Variants in NRDE2 observed in about 807,000 individuals in gnomAD.
The protein encoded by NRDE2 is nuclear exosome regulator NRDE2.
In NRDE2, 76 loss-of-function variants were observed where a neutral mutation model predicts 124.2. The ratio of observed to expected loss-of-function variants is 0.61; its 90% CI spans 0.51 to 0.74. NRDE2 has a LOEUF of 0.74. Ranked by LOEUF, NRDE2 falls within the 30% of genes least tolerant of loss-of-function variation. The pLI is 0.00. For missense variants in NRDE2, 1,314 were observed against 1,417.3 expected (o/e 0.93, Z 1.17); for synonymous variants, 489 against 528.1 (o/e 0.93, Z 1.01).
chr14:90,307,149 T>C (rs1429105628), intron 4 of NRDE2, among the ~76,000 whole-genome samples: 2 of 152,190 alleles, frequency 1.3e-5, no homozygotes, highest in Non-Finnish European at 2.9e-5. Context: ...ACATACATCC[T>C]TTTTCAAAAT....
At position 90,269,924 on chromosome 14, in the gene NRDE2, C is replaced by T. The variant is rs1891618691; in HGVS notation, c.*8412G>A. 2.3e-6 allele frequency: 1 copy of T among 431,562 alleles called. No homozygotes were observed. Among genetic ancestry groups the T allele is most frequent in the Non-Finnish European group, 4.1e-6 (1 of 244,440 alleles). 26.7% of individuals were successfully genotyped at this position (431,562 alleles called of 1,614,324 possible). On this transcript the variant is annotated 3_prime_UTR_variant, in exon 14 of 14. Transcript: ENST00000354366. Reference sequence around the variant, plus strand: ...GCTGTCTTTTGTAATGTTTTTAACACAATAGGTCTGCCCAGTTTCACTCAG... The same window carrying T: ...GCTGTCTTTTGTAATGTTTTTAACATAATAGGTCTGCCCAGTTTCACTCAG...
rs961019006 is a variant in NRDE2, at chr14:90,268,164, T to G, written c.*10172A>C. ...ATTTAAGGTGGTAATGATACGAGTT[T>G]TTAAGTTAAAATGGCACTTAAGGTG... On this transcript the variant is annotated 3_prime_UTR_variant, in exon 14 of 14. Transcript: ENST00000354366. 4 of 1,403,926 alleles carry G rather than the reference T, an allele frequency of 2.8e-6. No homozygotes were observed. In the African/African-American group the frequency reaches 5.8e-5, roughly 20 times the overall value. 87.0% of individuals were successfully genotyped at this position (1,403,926 alleles called of 1,614,324 possible). A position where few individuals can be genotyped will look rare whatever the true frequency, so the allele number is the denominator to read the frequency against.
chr14:90,290,568 A>C lies in NRDE2; in HGVS notation c.1882T>G (p.Ser628Ala), dbSNP rs754595219. Residue 628 changes from serine to alanine, a missense_variant, in exon 10 of 14, where the codon TCC (serine) becomes GCC (alanine). Ser to Ala is a moderately conservative substitution (Grantham distance 99). Transcript: ENST00000354366. ...DDIGQSLIRL[S>A]SHDLQFQLVE... ...AGCTGGAACTGAAGATCATGGCTGG[A>C]AAGTCTGATCAAAGATTGCCCAATA... The C allele has an allele frequency of 2.5e-6, 4 of 1,613,300 alleles. No homozygotes were observed. The highest frequency in any genetic ancestry group is 3.4e-6 in the Non-Finnish European group (4 of 1,179,724).
Position 90,301,258 on chromosome 14 carries a change from T to A in NRDE2, c.1526A>T (p.Asp509Val), listed in dbSNP as rs548710589. 6.2e-7 allele frequency: 1 copy of A among 1,613,542 alleles called. No individual in the cohort carries two copies. The highest frequency in any genetic ancestry group is 8.5e-7 in the Non-Finnish European group (1 of 1,179,756). The change falls in exon 7 of 14, where the codon GAT becomes GTT. Residue 509 changes from aspartate to valine, a missense_variant. Physicochemically the swap from Asp to Val is radical, Grantham distance 152. Transcript: ENST00000354366. The stretch of plus-strand genomic sequence containing the variant: ...GGGTACCTGTCCTTTGGTAGGCAGA[T>A]CTTTCACGCTGTCGGGTTTGAAGAA... ...FTFFKPDSVKDLPTKGQVEFF... is the reference protein window; with the variant it reads ...FTFFKPDSVKVLPTKGQVEFF...
At chr14:90,320,700 C>T (rs1279903992) in intron 1 of NRDE2, among the ~76,000 whole-genome samples, 1 of 152,144 alleles carries the variant, frequency 6.6e-6, no homozygotes, top group Non-Finnish European at 1.5e-5. Context: ...GCATATTAAA[C>T]AGCACAGAAA....
In NRDE2 at chr14:90,272,565, G is replaced by A. The variant is rs952687494; in HGVS notation, c.*5771C>T. On this transcript the variant is annotated 3_prime_UTR_variant, in exon 14 of 14. Transcript: ENST00000354366. This position sits in a 1 kb window ranked among gnomAD's most constrained non-coding sequence, Gnocchi z 4.5. ...AGTACGATGTGTAAGTGCCCATTGG[G>A]TGGCCTGTTGGTCACTGTGCAGCAG... The A allele has an allele frequency of 2.1e-4, 119 of 577,254 alleles. No individual in the cohort carries two copies. The highest frequency in any genetic ancestry group is 3.4e-4 in the Non-Finnish European group (110 of 321,510). 35.8% of individuals were successfully genotyped at this position (577,254 alleles called of 1,614,324 possible).
chr14:90,314,583 TA>T, intron 3 of NRDE2, among the ~76,000 whole-genome samples: 1 of 152,204 alleles, frequency 6.6e-6, no homozygotes, highest in East Asian at 1.9e-4. Flanking sequence ...GGAAATCCTT[TA>T]AAACTCATTT....
At position 90,279,082 on chromosome 14, in the gene NRDE2, G is replaced by T; in HGVS notation, c.3349C>A (p.Gln1117Lys). 1 of 1,612,692 alleles carries T rather than the reference G, an allele frequency of 6.2e-7. No individual in the cohort carries two copies. Among genetic ancestry groups the T allele is most frequent in the Non-Finnish European group, 8.5e-7 (1 of 1,178,592 alleles). Residue 1117 changes from glutamine (Q) to lysine (K), a missense_variant, in exon 13 of 14, where the codon CAG becomes AAG. Coordinates refer to ENST00000354366, the MANE Select transcript of NRDE2 (RefSeq NM_017970.4). ...RSKGVFYKAL[Q>K]NCPWAKVLYL... ...CTTACCTTTGCCCAAGGGCAATTCT[G>T]AAGTGCTTTGTAGAATACACCTTTG... is the stretch of plus-strand genomic sequence containing the variant.
In NRDE2 at chr14:90,270,082, C is replaced by A; in HGVS notation, c.*8254G>T. 1 of 1,094,686 alleles carries A rather than the reference C, an allele frequency of 9.1e-7. No homozygotes were observed. Among genetic ancestry groups the A allele is most frequent in the Non-Finnish European group, 1.3e-6 (1 of 776,008 alleles). 67.8% of individuals were successfully genotyped at this position (1,094,686 alleles called of 1,614,324 possible). A position where few individuals can be genotyped will look rare whatever the true frequency, so the allele number is the denominator to read the frequency against. On this transcript the variant is annotated 3_prime_UTR_variant, in exon 14 of 14. Coordinates refer to ENST00000354366, the MANE Select transcript of NRDE2 (RefSeq NM_017970.4). ...CTTTTTAAAATTTAGACATCCTTCC[C>A]ACAGAATTCTGTCCGACTGAAACTT... is the stretch of plus-strand genomic sequence containing the variant.
intron 1 of NRDE2, among the ~76,000 whole-genome samples, chr14:90,324,545 G>A (rs146256769): frequency 0.057 from 8,686 of 151,630 alleles, 317 homozygotes; most frequent in South Asian, 0.09. Context: ...GTGTGGTGGC[G>A]CACACCTGTA....
At chr14:90,288,129 T>G (rs1892158153) in intron 11 of NRDE2, 88 bp downstream of exon 11, 1 of 1,243,870 alleles carries the variant, frequency 8.0e-7, no homozygotes, top group African/African-American at 1.5e-5. Context: ...TTCATCCCTG[T>G]CTTCCTGAGA....
chr14:90,312,109 C>CA (rs1188600396), intron 4 of NRDE2, among the ~76,000 whole-genome samples: 1 of 152,156 alleles, frequency 6.6e-6, no homozygotes, highest in East Asian at 1.9e-4. Flanking sequence ...TTAATTATTA[C>CA]AAGGTACTTT....
At chr14:90,309,809 C>T (rs1409112609) in intron 4 of NRDE2, among the ~76,000 whole-genome samples, 1 of 152,222 alleles carries the variant, frequency 6.6e-6, no homozygotes, top group Non-Finnish European at 1.5e-5. Flanking sequence ...AGTTATATAG[C>T]TACTAATCCA....
chr14:90,280,623 G>A (rs535052341), intron 12 of NRDE2: 1 of 152,278 alleles, frequency 6.6e-6, no homozygotes, highest in African/African-American at 2.4e-5. Flanking sequence ...GTGAAAGCTT[G>A]GTGGGGACCA....
intron 1 of NRDE2, among the ~76,000 whole-genome samples, chr14:90,322,100 G>T (rs1026215509): frequency 3.3e-5 from 5 of 152,132 alleles, no homozygotes; most frequent in Non-Finnish European, 7.3e-5. Context: ...AACTAAGGAG[G>T]CTGGTTCTCC....
rs1442519766 is a variant in NRDE2 at position 90,290,390 on chromosome 14, G to A, written c.2060C>T (p.Ala687Val). 1.2e-6 allele frequency: 2 copies of A among 1,613,976 alleles called. No individual in the cohort carries two copies. The highest frequency in any genetic ancestry group is 2.7e-5 in the African/African-American group (2 of 74,902). ...CCTATCCATGCGGCCAACACAGCTA[G>A]CCCCAGAAAACAAAGGGTTGAAAAA... ...LTFFNPLFSG[A>V]SCVGRMDRLG... is the part of the protein sequence containing the mutation. The change falls in exon 10 of 14, where the codon GCT becomes GTT. Residue 687 changes from alanine to valine, a missense_variant. Ala to Val is a moderately conservative substitution (Grantham distance 64). Coordinates refer to ENST00000354366, the MANE Select transcript of NRDE2 (RefSeq NM_017970.4).
intron 1 of NRDE2, among the ~76,000 whole-genome samples, chr14:90,323,476 T>A (rs957013762): frequency 6.6e-6 from 1 of 152,232 alleles, no homozygotes; most frequent in Non-Finnish European, 1.5e-5. Context: ...CAGAGGTAAG[T>A]GCTCCTCCTG....
chr14:90,328,462 G>T (rs1238779749), intron 1 of NRDE2, among the ~76,000 whole-genome samples: 2 of 152,152 alleles, frequency 1.3e-5, no homozygotes, highest in African/African-American at 4.8e-5. Context: ...CAACCTCAAT[G>T]AAATAATAAT....
rs1176153806 is a variant in NRDE2 at position 90,302,928 on chromosome 14, G to T, written c.1203C>A (p.Val401=). Residue 401 remains valine (V), a synonymous_variant, in exon 6 of 14, where the codon GTC becomes GTA. Coordinates refer to ENST00000354366, the MANE Select transcript of NRDE2 (RefSeq NM_017970.4). ...CTEFWEPSTL[V]KEWQKLIFLH... Reference sequence around the variant, plus strand: ...AAAATATCAGTTTCTGCCACTCTTTGACCAGAGTGGAGGGCTCCCAGAACT... The same window carrying T: ...AAAATATCAGTTTCTGCCACTCTTTTACCAGAGTGGAGGGCTCCCAGAACT... The T allele has an allele frequency of 6.2e-7, 1 of 1,613,916 alleles. No individual in the cohort carries two copies. The highest frequency in any genetic ancestry group is 8.5e-7 in the Non-Finnish European group (1 of 1,180,014).
Sources: allele counts gnomAD v4.1 joint callset (sites outside exome capture counted in the v4.1 genomes callset), GRCh38; gene constraint gnomAD v4.1.1; non-coding constraint Gnocchi (gnomAD v3.1); transcripts MANE v1.5; gene names NCBI Gene and HGNC (gene_info 2026-07-23, HGNC 2026-07-21).